The following CCSER2 variants were observed in gnomAD, a reference collection of about 807,000 sequenced individuals.
CCSER2 encodes coiled-coil serine rich protein 2.
A neutral mutation model predicts 92.3 loss-of-function variants in CCSER2; 46 were observed. That is an observed-to-expected ratio of 0.50 (90% CI 0.39 to 0.64). The LOEUF is 0.64. CCSER2 is among the 30% of genes least tolerant of loss of function. CCSER2 has a pLI of 0.00. For synonymous variants in CCSER2, 433 were observed against 431.4 expected (o/e 1.00, Z -0.04); for missense variants, 1,244 against 1,238.9 (o/e 1.00, Z -0.06).
At chr10:84,464,828 C>A (rs1368599086) in intron 7 of CCSER2, among the ~76,000 whole-genome samples, 1 of 152,084 alleles carries the variant, frequency 6.6e-6, no homozygotes, top group Non-Finnish European at 1.5e-5. Flanking sequence ...GTGAATTCTG[C>A]TTGGATGTGG....
intron 1 of CCSER2, among the ~76,000 whole-genome samples, chr10:84,331,867 A>T (rs985020196): frequency 6.6e-6 from 1 of 152,204 alleles, no homozygotes; most frequent in Non-Finnish European, 1.5e-5. Context: ...TTTTTGCTAT[A>T]GTTTTTATAC....
At chr10:84,429,014 T>TATATATATATATATATAC (rs1400134320) in intron 5 of CCSER2, among the ~76,000 whole-genome samples, 2 of 139,348 alleles carry the variant, frequency 1.4e-5, no homozygotes, top group Admixed American at 7.4e-5. Context: ...TATATATATA[T>TATATATATATATATATAC]ACACACTTAA....
chr10:84,425,653 T>G (rs1843388952), intron 4 of CCSER2, 78 bp from the exon 5 acceptor site: 2 of 932,786 alleles, frequency 2.1e-6, no homozygotes. Context: ...ATTTACAGCA[T>G]TTAATTATCA....
intron 6 of CCSER2, among the ~76,000 whole-genome samples, chr10:84,449,976 G>T (rs1845175913): frequency 6.6e-6 from 1 of 152,208 alleles, no homozygotes; most frequent in Admixed American, 6.5e-5. Flanking sequence ...TGATGTTTCA[G>T]CATAACCTGA....
intron 3 of CCSER2, among the ~76,000 whole-genome samples, chr10:84,403,026 A>G (rs563031651): frequency 1.3e-5 from 2 of 152,218 alleles, no homozygotes; most frequent in Non-Finnish European, 2.9e-5. Flanking sequence ...AAATAAGAAT[A>G]AAGTGGCAAG....
At chr10:84,442,782 C>A (rs1469377668) in intron 6 of CCSER2, among the ~76,000 whole-genome samples, 1 of 152,100 alleles carries the variant, frequency 6.6e-6, no homozygotes, top group Non-Finnish European at 1.5e-5. Flanking sequence ...GTGCTGGTAC[C>A]AAAACAGATA....
At chr10:84,366,756 G>A (rs144693873) in intron 1 of CCSER2, among the ~76,000 whole-genome samples, 9 of 152,128 alleles carry the variant, frequency 5.9e-5, no homozygotes, top group African/African-American at 2.2e-4. Context: ...TGAGTTTTGG[G>A]TTTTATTTTG....
At chr10:84,475,831 G>A (rs1340993092) in intron 8 of CCSER2, among the ~76,000 whole-genome samples, 1 of 152,016 alleles carries the variant, frequency 6.6e-6, no homozygotes, top group Admixed American at 6.6e-5. Context: ...ATTATATATT[G>A]AATTTGGGGG....
At chr10:84,473,646 A>G (rs1846953294) in intron 8 of CCSER2, among the ~76,000 whole-genome samples, 1 of 152,248 alleles carries the variant, frequency 6.6e-6, no homozygotes, top group East Asian at 1.9e-4. Context: ...TTTGAAAACA[A>G]AGATAAGTAA....
At chr10:84,427,960 G>C (rs1554847089) in intron 5 of CCSER2, among the ~76,000 whole-genome samples, 1 of 152,176 alleles carries the variant, frequency 6.6e-6, no homozygotes, top group Non-Finnish European at 1.5e-5. Context: ...GGAAGTGATT[G>C]TAAGTCCCAT....
At chr10:84,400,117 A>G (rs2133308578) in intron 3 of CCSER2, among the ~76,000 whole-genome samples, 1 of 151,926 alleles carries the variant, frequency 6.6e-6, no homozygotes, top group Non-Finnish European at 1.5e-5. Context: ...AGTTGTTTAT[A>G]TTTTCTTGAT....
At chr10:84,381,168 A>G (rs1840886114) in intron 3 of CCSER2, among the ~76,000 whole-genome samples, 2 of 152,196 alleles carry the variant, frequency 1.3e-5, no homozygotes, top group Admixed American at 1.3e-4. Flanking sequence ...TACTATGAAC[A>G]TTAAATGAGG....
At chr10:84,330,615 C>G (rs1171168044) in intron 1 of CCSER2, among the ~76,000 whole-genome samples, 1 of 152,048 alleles carries the variant, frequency 6.6e-6, no homozygotes. Context: ...TGGGTTCATG[C>G]GATTCTCTTG....
rs753508901 is a variant in CCSER2, at chr10:84,451,932, TC to T, written c.2065-11998del. ...GTAGCTTGAATTAGTAGATTTTAAA[TC>T]CCACTGTTGAATTTTACAGTATTAC... On this transcript the variant is annotated intron_variant, in intron 6 of 9. Transcript: ENST00000372088. 4.6e-5 allele frequency among the ~76,000 whole-genome samples: 7 copies of T among 152,318 alleles called. No individual in the cohort carries two copies. In the East Asian group the frequency reaches 9.6e-4, roughly 21 times the overall value.
At chr10:84,424,944 C>G in intron 4 of CCSER2, 1 of 980,738 alleles carries the variant, frequency 1.0e-6, no homozygotes, top group African/African-American at 1.7e-5. Flanking sequence ...TCAGCAGTGC[C>G]TTGGGTACAA....
chr10:84,476,650 A>G (rs1387818908), intron 8 of CCSER2, among the ~76,000 whole-genome samples: 3 of 151,792 alleles, frequency 2.0e-5, no homozygotes, highest in Non-Finnish European at 4.4e-5. Context: ...TCACTGTGTT[A>G]GCCAGGATGG....
At chr10:84,354,676 C>T (rs963247351) in intron 1 of CCSER2, among the ~76,000 whole-genome samples, 5 of 151,124 alleles carry the variant, frequency 3.3e-5, no homozygotes, top group South Asian at 2.1e-4. Context: ...GACCATCGTT[C>T]CTGTACTGAT....
intron 9 of CCSER2, among the ~76,000 whole-genome samples, chr10:84,501,821 GGA>G (rs1491313105): frequency 6.1e-5 from 1 of 16,492 alleles, no homozygotes; most frequent in Non-Finnish European, 2.0e-4. Context: ...AGTCATCTAG[GGA>G]AAAAAAAAAA....
rs571101457 is a variant in CCSER2 at position 84,342,063 on chromosome 10, T to A, written c.-40+13255T>A. 9.9e-5 allele frequency among the ~76,000 whole-genome samples: 15 copies of A among 151,090 alleles called. 1 individual carries two copies. The East Asian group carries it at 2.1e-3, about 22-fold the overall frequency. Reference sequence around the variant, plus strand: ...TGATCAACTCAGCCTTCAGTCCCCTTCCCCCCCCTGGAGGTTGGGGGATGG... The same window carrying A: ...TGATCAACTCAGCCTTCAGTCCCCTACCCCCCCCTGGAGGTTGGGGGATGG... On this transcript the variant is annotated intron_variant, in intron 1 of 9. Coordinates refer to ENST00000372088, the MANE Select transcript of CCSER2 (RefSeq NM_001284240.2).
Sources: allele counts gnomAD v4.1 joint callset (sites outside exome capture counted in the v4.1 genomes callset), GRCh38; gene constraint gnomAD v4.1.1; transcripts MANE v1.5; gene names NCBI Gene and HGNC (gene_info 2026-07-23, HGNC 2026-07-21).